SHANK2: variants seen among roughly 807,000 people sequenced by gnomAD.
SHANK2 encodes SH3 and multiple ankyrin repeat domains protein 2.
In SHANK2, 43 loss-of-function variants were observed where a neutral mutation model predicts 133.7. That is an observed-to-expected ratio of 0.32 (90% CI 0.25 to 0.41). The LOEUF is 0.41. Ranked by LOEUF, SHANK2 falls within the 10% of genes least tolerant of loss-of-function variation. SHANK2 has a pLI of 1.00. For missense variants in SHANK2, 1,994 were observed against 2,235.8 expected (o/e 0.89, Z 2.18); for synonymous variants, 1,017 against 952.8 (o/e 1.07, Z -1.24).
At chr11:70,955,305 G>A (rs561292896) in intron 10 of SHANK2, among the ~76,000 whole-genome samples, 1 of 152,170 alleles carries the variant, frequency 6.6e-6, no homozygotes, top group South Asian at 2.1e-4. Flanking sequence ...TAAAGTCCCT[G>A]TATCCAAAAA....
rs375331373 is a variant in SHANK2, at chr11:70,482,055, A to T, written c.4979+3259T>A. ...CGCACCTCCATGGGGGCTTTGTCCC[A>T]AGTGCTCAGCCTGGTGAGGTTATTA... On this transcript the variant is annotated intron_variant, in intron 25 of 25. Coordinates refer to ENST00000601538, the MANE Select transcript of SHANK2 (RefSeq NM_012309.5). 3.3e-4 allele frequency among the ~76,000 whole-genome samples: 50 copies of T among 152,326 alleles called. No individual in the cohort carries two copies. In the South Asian group the frequency reaches 5.0e-3, roughly 15 times the overall value.
Position 71,232,976 on chromosome 11 carries a change from C to G in SHANK2, c.-112-8180G>C, listed in dbSNP as rs150084152. ...GCTTCAATGAGAGGCAGCAATTTCA[C>G]TCCTAGGCATACAACTAAAAATAAT... On this transcript the variant is annotated intron_variant, in intron 1 of 25. Transcript: ENST00000601538. 2.0e-5 allele frequency among the ~76,000 whole-genome samples: 3 copies of G among 152,262 alleles called. No individual in the cohort carries two copies. In the East Asian group the frequency reaches 5.8e-4, roughly 29 times the overall value.
At chr11:70,747,132 C>T (rs781928888) in intron 14 of SHANK2, among the ~76,000 whole-genome samples, 3 of 151,778 alleles carry the variant, frequency 2.0e-5, no homozygotes, top group Non-Finnish European at 4.4e-5. Flanking sequence ...GGGACAAGCC[C>T]GAGGTGGTAA....
intron 17 of SHANK2, among the ~76,000 whole-genome samples, chr11:70,505,461 A>G (rs1326620545): frequency 6.6e-6 from 1 of 151,982 alleles, no homozygotes; most frequent in Non-Finnish European, 1.5e-5. Context: ...ACCTGGCAGT[A>G]GGGAGCCCCC....
chr11:71,230,785 G>A (rs1954729608), intron 1 of SHANK2, among the ~76,000 whole-genome samples: 1 of 152,164 alleles, frequency 6.6e-6, no homozygotes, highest in African/African-American at 2.4e-5. Context: ...ATGCCCAACT[G>A]ATTGCTGATG....
chr11:71,250,512 G>C (rs1555125669), intron 1 of SHANK2, among the ~76,000 whole-genome samples: 1 of 152,138 alleles, frequency 6.6e-6, no homozygotes, highest in African/African-American at 2.4e-5. Context: ...AGACACGACG[G>C]CTTTCCCTCA....
chr11:70,473,676 G>A lies in SHANK2; in HGVS notation c.4980-237C>T, dbSNP rs1231227321. On this transcript the variant is annotated intron_variant, in intron 25 of 25. Transcript: ENST00000601538. The surrounding 1 kb of genome is among the most constrained non-coding windows in gnomAD (Gnocchi z 5.9). The stretch of plus-strand genomic sequence containing the variant: ...ACGTCAGCCCACTCACCTGAACTGG[G>A]ACAGAGGGGCTGGGGGACCTGCCTG... 1 of 609,760 alleles carries A rather than the reference G, an allele frequency of 1.6e-6. No individual in the cohort carries two copies. Among genetic ancestry groups the A allele is most frequent in the Non-Finnish European group, 3.0e-6 (1 of 331,900 alleles). The allele number at this position is 609,760 out of a possible 1,614,324, so 37.8% of individuals were successfully genotyped here. A position where few individuals can be genotyped will look rare whatever the true frequency, so the allele number is the denominator to read the frequency against.
chr11:71,200,831 TACACACACACACACACACAC>T (rs56749664), intron 2 of SHANK2, among the ~76,000 whole-genome samples: 1 of 144,932 alleles, frequency 6.9e-6, no homozygotes, highest in Non-Finnish European at 1.5e-5. Flanking sequence ...TCTCAATTAA[TACACACACACACACACACAC>T]ACACACACAC....
intron 14 of SHANK2, among the ~76,000 whole-genome samples, chr11:70,750,109 G>A (rs1354037800): frequency 6.6e-6 from 1 of 152,208 alleles, no homozygotes; most frequent in Non-Finnish European, 1.5e-5. Context: ...GAAAAATAAA[G>A]AGTAGCAGGC....
chr11:70,677,708 C>T (rs1417515374), intron 15 of SHANK2, among the ~76,000 whole-genome samples: 2 of 152,326 alleles, frequency 1.3e-5, no homozygotes, highest in Admixed American at 6.5e-5. Context: ...GCACGTCCCA[C>T]CAGAAGCCCT....
At chr11:70,606,322 TG>T (rs1239309158) in intron 17 of SHANK2, among the ~76,000 whole-genome samples, 4 of 151,818 alleles carry the variant, frequency 2.6e-5, no homozygotes, top group Admixed American at 2.6e-4. Flanking sequence ...GAGGCTGAGG[TG>T]GGAGGATCGC....
chr11:70,664,770 A>G (rs1944648504), intron 15 of SHANK2, among the ~76,000 whole-genome samples: 1 of 152,202 alleles, frequency 6.6e-6, no homozygotes, highest in African/African-American at 2.4e-5. Flanking sequence ...CATAGACTAG[A>G]GAAGGGCAGG....
intron 2 of SHANK2, among the ~76,000 whole-genome samples, chr11:71,156,492 G>A (rs1163887842): frequency 2.0e-5 from 3 of 151,980 alleles, no homozygotes; most frequent in East Asian, 1.9e-4. Flanking sequence ...TTTCAGACTC[G>A]CTCTACCCCA....
rs1949810976 is a variant in SHANK2, at chr11:70,889,789, G to C, written c.1174+6712C>G. On this transcript the variant is annotated intron_variant, in intron 11 of 25. Transcript: ENST00000601538. ...AGATGACAGTCAGGACCAGGACCAG[G>C]ACCAGGAGTGGGGTGGTTCAGAAGC... is the stretch of plus-strand genomic sequence containing the variant. 1.3e-5 allele frequency among the ~76,000 whole-genome samples: 2 copies of C among 152,210 alleles called. 1 individual carries two copies. The highest frequency in any genetic ancestry group is 4.8e-5 in the African/African-American group (2 of 41,456).
intron 17 of SHANK2, 59 bp downstream of exon 17, chr11:70,659,769 C>T: frequency 1.2e-6 from 2 of 1,610,644 alleles, no homozygotes; most frequent in Non-Finnish European, 1.7e-6. Context: ...GACTACGACC[C>T]TCTCCCCGAG....
chr11:70,568,646 G>GGCCCCCCCCCCCCCCCCCCCCC (rs2059999450), intron 17 of SHANK2, among the ~76,000 whole-genome samples: 1 of 79,966 alleles, frequency 1.3e-5, no homozygotes, highest in Admixed American at 1.2e-4. Context: ...GCGGATTCCT[G>GGCCCCCCCCCCCCCCCCCCCCC]CCCCCCCCGC....
At chr11:70,910,895 G>GGT (rs1407349977) in intron 10 of SHANK2, 37 of 437,264 alleles carry the variant, frequency 8.5e-5, no homozygotes, top group African/African-American at 6.9e-4. Flanking sequence ...GTTGCTTGGT[G>GGT]GTGCGTGTGT....
chr11:71,110,118 A>AC (rs1555098863), intron 5 of SHANK2, 69 bp from the exon 6 acceptor site: 1 of 1,167,112 alleles, frequency 8.6e-7, no homozygotes, highest in African/African-American at 1.5e-5. Flanking sequence ...ACAAAGTGAG[A>AC]CCCCGTCTCT....
intron 17 of SHANK2, among the ~76,000 whole-genome samples, chr11:70,519,227 C>T (rs903751710): frequency 2.6e-5 from 4 of 152,150 alleles, no homozygotes; most frequent in African/African-American, 9.7e-5. Context: ...TAAGAAGAAA[C>T]TTTCCCTTTT....
Sources: gnomAD v4.1 joint callset for allele counts (sites outside exome capture counted in the v4.1 genomes callset) on GRCh38, gnomAD v4.1.1 for gene constraint, Gnocchi (gnomAD v3.1) non-coding constraint, MANE v1.5 for transcripts, NCBI Gene and HGNC (gene_info 2026-07-23, HGNC 2026-07-21) for gene names.